ACADSB: variants seen among roughly 807,000 people sequenced by gnomAD.
ACADSB encodes the protein short/branched chain specific acyl-CoA dehydrogenase, mitochondrial.
In ACADSB, 40 loss-of-function variants were observed where a neutral mutation model predicts 54.1. The ratio of observed to expected loss-of-function variants is 0.74; its 90% CI spans 0.57 to 0.96. ACADSB has a LOEUF of 0.96. Ranked by LOEUF, ACADSB falls within the 40% of genes least tolerant of loss-of-function variation. The pLI is 0.00. For missense variants in ACADSB, 530 were observed against 510.4 expected (o/e 1.04, Z -0.37); for synonymous variants, 182 against 182.8 (o/e 1.00, Z 0.03).
chr10:123,029,863 G>A (rs1013755973), intron 1 of ACADSB, among the ~76,000 whole-genome samples: 4 of 152,162 alleles, frequency 2.6e-5, no homozygotes, highest in African/African-American at 4.8e-5. Flanking sequence ...CATAGACTGG[G>A]TGCTTATAAA....
At chr10:123,040,764 C>T in intron 4 of ACADSB, 92 bp downstream of exon 4, 1 of 1,178,562 alleles carries the variant, frequency 8.5e-7, no homozygotes, top group Non-Finnish European at 1.2e-6. Context: ...GTCGACTTTA[C>T]TATCCAAGAC....
At chr10:123,038,865 G>A (rs1850434657) in intron 3 of ACADSB, among the ~76,000 whole-genome samples, 1 of 152,202 alleles carries the variant, frequency 6.6e-6, no homozygotes, top group Non-Finnish European at 1.5e-5. Flanking sequence ...TGGACTCTGT[G>A]AGTCCATTTC....
intron 1 of ACADSB, among the ~76,000 whole-genome samples, chr10:123,015,272 C>G (rs1164452655): frequency 1.3e-5 from 2 of 152,248 alleles, no homozygotes; most frequent in Admixed American, 6.5e-5. Flanking sequence ...TAAAGACACT[C>G]TCCCTGGCAA....
chr10:123,036,537 A>T (rs1850401245), intron 2 of ACADSB, among the ~76,000 whole-genome samples: 1 of 152,192 alleles, frequency 6.6e-6, no homozygotes, highest in South Asian at 2.1e-4. Flanking sequence ...CTTCAGTCTT[A>T]TTTATTTCTT....
chr10:123,045,242 G>C (rs1220460193), intron 7 of ACADSB, among the ~76,000 whole-genome samples: 1 of 132,864 alleles, frequency 7.5e-6, no homozygotes, highest in African/African-American at 2.9e-5. Flanking sequence ...GCAGTGGTGC[G>C]ATCTCGGCTC....
chr10:123,024,745 C>G (rs1359958568), intron 1 of ACADSB, among the ~76,000 whole-genome samples: 2 of 152,152 alleles, frequency 1.3e-5, no homozygotes, highest in Non-Finnish European at 2.9e-5. Context: ...GCAAGCAGCT[C>G]GTGGGGCTGG....
chr10:123,035,413 G>A (rs1850385460), intron 2 of ACADSB, among the ~76,000 whole-genome samples: 1 of 152,202 alleles, frequency 6.6e-6, no homozygotes, highest in South Asian at 2.1e-4. Context: ...AGATATAGGT[G>A]TAAAATTATG....
chr10:123,051,925 C>T (rs1009700106), intron 9 of ACADSB, among the ~76,000 whole-genome samples: 1 of 152,126 alleles, frequency 6.6e-6, no homozygotes, highest in African/African-American at 2.4e-5. Context: ...ACATTGAGTC[C>T]AGCATCATTT....
At chr10:123,018,633 G>T (rs1480593596) in intron 1 of ACADSB, among the ~76,000 whole-genome samples, 4 of 152,182 alleles carry the variant, frequency 2.6e-5, no homozygotes, top group African/African-American at 7.2e-5. Flanking sequence ...TGCTAATAAA[G>T]GCATACCCAA....
intron 1 of ACADSB, among the ~76,000 whole-genome samples, chr10:123,011,874 C>T (rs1346064599): frequency 6.7e-6 from 1 of 148,848 alleles, no homozygotes; most frequent in South Asian, 2.1e-4. Flanking sequence ...TTTTTTTAGA[C>T]AAGTTTTCAC....
In ACADSB at chr10:123,058,099, C is replaced by T. The variant is rs548932042; in HGVS notation, c.*4334C>T. 6.6e-6 allele frequency: 1 copy of T among 152,178 alleles called. No homozygotes were observed. The highest frequency in any genetic ancestry group is 1.9e-4 in the East Asian group (1 of 5,172). The allele number at this position is 152,178 out of a possible 1,614,324, so 9.4% of individuals were successfully genotyped here. On this transcript the variant is annotated 3_prime_UTR_variant, in exon 11 of 11. Transcript: ENST00000358776. ...AATGTGAAGATTATTGTGTGGGATC[C>T]TTTGGTTTCATTGTTATGATGTATT...
intron 6 of ACADSB, among the ~76,000 whole-genome samples, chr10:123,043,547 G>C (rs780810671): frequency 6.6e-6 from 1 of 152,224 alleles, no homozygotes; most frequent in African/African-American, 2.4e-5. Context: ...TGCTCAGTGA[G>C]AGCGGAAACA....
Position 123,033,761 on chromosome 10 carries a change from T to G in ACADSB, c.43-595T>G, listed in dbSNP as rs553110728. On this transcript the variant is annotated intron_variant, in intron 1 of 10. Transcript: ENST00000358776. ...ATCACTTGCCCAAGACCACATAAAT[T>G]AAATATCAGAAGCTAGGATTTGAAA... is the stretch of plus-strand genomic sequence containing the variant. Among the ~76,000 whole-genome samples, 12 of 152,214 alleles carry G rather than the reference T, an allele frequency of 7.9e-5. No individual in the cohort carries two copies. The South Asian group carries it at 8.3e-4, about 10-fold the overall frequency.
intron 8 of ACADSB, among the ~76,000 whole-genome samples, chr10:123,048,977 A>G (rs2133490702): frequency 6.6e-6 from 1 of 152,274 alleles, no homozygotes; most frequent in Non-Finnish European, 1.5e-5. Flanking sequence ...CGGCCTCCCA[A>G]AGTGCTGGGA....
At chr10:123,043,958 A>G (rs1850514238) in intron 6 of ACADSB, among the ~76,000 whole-genome samples, 1 of 152,108 alleles carries the variant, frequency 6.6e-6, no homozygotes, top group African/African-American at 2.4e-5. Flanking sequence ...ACACACACAT[A>G]TACCCCACCG....
chr10:123,030,055 C>T (rs1316473041), intron 1 of ACADSB, among the ~76,000 whole-genome samples: 1 of 152,164 alleles, frequency 6.6e-6, no homozygotes, highest in African/African-American at 2.4e-5. Context: ...GAGGAGCTCT[C>T]ATAACCTAAT....
intron 1 of ACADSB, among the ~76,000 whole-genome samples, chr10:123,022,580 G>A (rs1850197024): frequency 6.6e-6 from 1 of 152,200 alleles, no homozygotes. Flanking sequence ...TCTGTGATTT[G>A]AGCTAACTTT....
intron 3 of ACADSB, 144 bp from the exon 4 acceptor site, chr10:123,040,322 G>C: frequency 1.3e-6 from 1 of 748,064 alleles, no homozygotes; most frequent in Non-Finnish European, 2.1e-6. Context: ...TTGCACTCCA[G>C]CCTGGGAGAC....
chr10:123,013,764 T>C (rs1385637250), intron 1 of ACADSB, among the ~76,000 whole-genome samples: 2 of 152,168 alleles, frequency 1.3e-5, no homozygotes, highest in East Asian at 3.9e-4. Flanking sequence ...AGCCCCTCAC[T>C]GCCCGGGGCC....
Sources: gnomAD v4.1 joint callset for allele counts (sites outside exome capture counted in the v4.1 genomes callset) on GRCh38, gnomAD v4.1.1 for gene constraint, MANE v1.5 for transcripts, NCBI Gene and HGNC (gene_info 2026-07-23, HGNC 2026-07-21) for gene names.